The following CDH8 variants were observed in gnomAD, a reference collection of about 807,000 sequenced individuals.
The protein encoded by CDH8 is cadherin 8, also known as cadherin-8.
In CDH8, 17 loss-of-function variants were observed where a neutral mutation model predicts 68.1. That is an observed-to-expected ratio of 0.25 (90% CI 0.17 to 0.37). The LOEUF (loss-of-function observed/expected upper bound fraction) is 0.37, where lower values mean the gene tolerates loss of function less well. CDH8 is among the 10% of genes least tolerant of loss of function. CDH8 has a pLI of 1.00. For synonymous variants in CDH8, 372 were observed against 365.1 expected, an observed-to-expected ratio of 1.02 and a Z score of -0.21; for missense variants, 763 against 999.3, an observed-to-expected ratio of 0.76 and a Z score of 3.19.
rs564993654 is a variant in CDH8, at chr16:61,896,302, T to C, written c.547+4877A>G. 1.1e-4 allele frequency among the ~76,000 whole-genome samples: 17 copies of C among 152,354 alleles called. No individual in the cohort carries two copies. The East Asian group carries it at 2.9e-3, about 26-fold the overall frequency. ...AATTTGGCTGCCATTTGGGCAAATA[T>C]ATATGTGCGTTTTGTCTTGACAGCC... On this transcript the variant is annotated intron_variant, in intron 3 of 11. Coordinates refer to ENST00000577390, the MANE Select transcript of CDH8 (RefSeq NM_001796.5).
chr16:61,960,211 A>ATG (rs139997647), intron 2 of CDH8, among the ~76,000 whole-genome samples: 3 of 33,496 alleles, frequency 9.0e-5, no homozygotes, highest in Admixed American at 3.2e-4. Flanking sequence ...ACATATATAC[A>ATG]TGTGTGTGTG....
intron 4 of CDH8, among the ~76,000 whole-genome samples, chr16:61,831,169 T>A (rs758991034): frequency 2.0e-5 from 3 of 151,746 alleles, no homozygotes; most frequent in Non-Finnish European, 4.4e-5. Context: ...ATTTTAGAAG[T>A]TTCCCTGGAA....
At chr16:61,762,167 C>G (rs904263247) in intron 8 of CDH8, among the ~76,000 whole-genome samples, 43 of 152,162 alleles carry the variant, frequency 2.8e-4, no homozygotes, top group Non-Finnish European at 6.2e-4. Flanking sequence ...TATACATAAA[C>G]TTACACATGT....
chr16:61,690,445 T>C (rs1023189267), intron 10 of CDH8, among the ~76,000 whole-genome samples: 11 of 152,092 alleles, frequency 7.2e-5, no homozygotes, highest in African/African-American at 2.7e-4. Flanking sequence ...GCTCTACTAT[T>C]TCACATGAGA....
In CDH8 at chr16:61,820,985, C is replaced by T. The variant is rs1409878508; in HGVS notation, c.964G>A (p.Ala322Thr). 1 of 1,612,702 alleles carries T rather than the reference C, an allele frequency of 6.2e-7. No individual in the cohort carries two copies. The highest frequency in any genetic ancestry group is 8.5e-7 in the Non-Finnish European group (1 of 1,179,204). ...SYDIIDGDGT[A>T]LFEITSDAQA... ...GCATCAGAAGTGATTTCAAAAAGTG[C>T]TGTTCCATCTCCATCGATGATATCA... Residue 322 changes from alanine (A) to threonine (T), a missense_variant, in exon 6 of 12, where the codon GCA becomes ACA. Ala to Thr is a moderately conservative substitution (Grantham distance 58). Around this residue, in one of 2 missense-constraint regions of CDH8, gnomAD observed 366 missense variants for 563.1 expected, o/e 0.65. Transcript: ENST00000577390.
At chr16:61,812,538 TCAAAGCCATGGTGACACC>T (rs1169234637) in intron 7 of CDH8, among the ~76,000 whole-genome samples, 2 of 151,590 alleles carry the variant, frequency 1.3e-5, no homozygotes, top group Non-Finnish European at 2.9e-5. Context: ...ACATACCATC[TCAAAGCCATGGTGACACC>T]CAATACACAA....
chr16:61,704,381 ATTAT>A (rs1355045156), intron 10 of CDH8, among the ~76,000 whole-genome samples: 1 of 152,198 alleles, frequency 6.6e-6, no homozygotes, highest in Non-Finnish European at 1.5e-5. Flanking sequence ...AAATGATTTA[ATTAT>A]TTAGTTTCTC....
intron 2 of CDH8, among the ~76,000 whole-genome samples, chr16:61,952,669 C>G (rs1427346961): frequency 6.6e-6 from 1 of 152,132 alleles, no homozygotes; most frequent in African/African-American, 2.4e-5. Context: ...GTTGCATGAT[C>G]TGCAGAAGGT....
intron 4 of CDH8, among the ~76,000 whole-genome samples, chr16:61,844,147 A>G (rs1288182397): frequency 1.3e-5 from 2 of 151,842 alleles, no homozygotes; most frequent in Non-Finnish European, 2.9e-5. Context: ...GAAACTGGAA[A>G]CCATCATTCT....
chr16:61,697,494 G>GT (rs754345133), intron 10 of CDH8, among the ~76,000 whole-genome samples: 88 of 114,380 alleles, frequency 7.7e-4, no homozygotes, highest in African/African-American at 2.3e-3. Context: ...CTTTTGGAGA[G>GT]TTATTTTTTT....
intron 2 of CDH8, among the ~76,000 whole-genome samples, chr16:61,904,793 G>T (rs941471673): frequency 6.6e-6 from 1 of 152,064 alleles, no homozygotes; most frequent in African/African-American, 2.4e-5. Context: ...ACACAGAGCG[G>T]ATACATGGTT....
intron 10 of CDH8, among the ~76,000 whole-genome samples, chr16:61,695,797 T>C (rs920416060): frequency 1.8e-4 from 28 of 152,278 alleles, no homozygotes; most frequent in Admixed American, 7.2e-4. Context: ...AGAATTTGAG[T>C]AAAGATGGAT....
Position 61,857,256 on chromosome 16 carries a change from G to C in CDH8, c.548-18C>G. The C allele has an allele frequency of 5.6e-6, 9 of 1,600,208 alleles. No individual in the cohort carries two copies. Among genetic ancestry groups the C allele is most frequent in the Non-Finnish European group, 7.7e-6 (9 of 1,171,702 alleles). On this transcript the variant is annotated intron_variant, in intron 3 of 11. Transcript: ENST00000577390. ...AGATGTACCTAATAAAATAGAGAAA[G>C]AAAAAAGATAATAATTAACACATTG...
At chr16:61,978,945 G>A (rs918368663) in intron 2 of CDH8, among the ~76,000 whole-genome samples, 6 of 150,174 alleles carry the variant, frequency 4.0e-5, no homozygotes, top group Admixed American at 6.8e-5. Context: ...GTGGAGAACC[G>A]CAGGCAAATA....
intron 10 of CDH8, among the ~76,000 whole-genome samples, chr16:61,663,712 T>C (rs1257980276): frequency 6.6e-6 from 1 of 152,046 alleles, no homozygotes; most frequent in East Asian, 1.9e-4. Context: ...AATGAATATC[T>C]ATCTGTCTGT....
chr16:61,840,094 C>T (rs1212003322), intron 4 of CDH8, among the ~76,000 whole-genome samples: 1 of 152,066 alleles, frequency 6.6e-6, no homozygotes, highest in African/African-American at 2.4e-5. Flanking sequence ...TGTTTACTCC[C>T]CTGATAACTT....
intron 2 of CDH8, among the ~76,000 whole-genome samples, chr16:61,931,947 C>T (rs1043474599): frequency 1.3e-5 from 2 of 152,048 alleles, no homozygotes; most frequent in African/African-American, 4.8e-5. Flanking sequence ...ATGGCTCACC[C>T]CTGTAATCCC....
chr16:61,908,142 G>C (rs1463638756), intron 2 of CDH8, among the ~76,000 whole-genome samples: 1 of 151,890 alleles, frequency 6.6e-6, no homozygotes, highest in Non-Finnish European at 1.5e-5. Context: ...CCCTTAGAGA[G>C]GAGAGCAAGC....
At chr16:61,780,870 T>A (rs564142807) in intron 8 of CDH8, among the ~76,000 whole-genome samples, 1 of 152,364 alleles carries the variant, frequency 6.6e-6, no homozygotes, top group South Asian at 2.1e-4. Context: ...ACACTTAAAG[T>A]TCTCAAATTT....
Sources: gnomAD v4.1 joint callset for allele counts (sites outside exome capture counted in the v4.1 genomes callset) on GRCh38, gnomAD v4.1.1 for gene constraint, gnomAD v4.1.1 regional missense constraint, MANE v1.5 for transcripts, NCBI Gene and HGNC (gene_info 2026-07-23, HGNC 2026-07-21) for gene names.